The following GBE1 variants were observed in gnomAD, a reference collection of about 807,000 sequenced individuals.
The protein encoded by GBE1 is 1,4-alpha-glucan branching enzyme 1.
GBE1 carries 70 observed loss-of-function variants against 88.8 expected under a neutral mutation model. That is an observed-to-expected ratio of 0.79 (90% CI 0.65 to 0.96). The LOEUF is 0.96. Ranked by LOEUF, GBE1 falls within the 40% of genes least tolerant of loss-of-function variation. GBE1 has a pLI of 0.00. For synonymous variants in GBE1, 284 were observed against 300.1 expected (o/e 0.95, Z 0.56); for missense variants, 872 against 871.0 (o/e 1.00, Z -0.01).
At chr3:81,542,872 A>C (rs1271432639) in intron 12 of GBE1, among the ~76,000 whole-genome samples, 6 of 152,146 alleles carry the variant, frequency 3.9e-5, no homozygotes, top group Admixed American at 3.9e-4. Context: ...ATTTTTAAAA[A>C]GTAACTAATT....
In GBE1 at chr3:81,535,252, T is replaced by C. The variant is rs185631651; in HGVS notation, c.1877A>G (p.Asn626Ser). Reference sequence around the variant, plus strand: ...AGTGTAGCTCTTGCTTGGATGGAAGTTGAAAATGAAAAGAAGACCTGCTCT... The same window carrying C: ...AGTGTAGCTCTTGCTTGGATGGAAGCTGAAAATGAAAAGAAGACCTGCTCT... ...FERAGLLFIF[N>S]FHPSKSYTDY... is the part of the protein sequence containing the mutation. The change falls in exon 14 of 16, where the codon AAC becomes AGC. Residue 626 changes from asparagine to serine, a missense_variant. By Grantham distance (46) the Asn-to-Ser change is conservative. Coordinates refer to ENST00000429644, the MANE Select transcript of GBE1 (RefSeq NM_000158.4). The C allele has an allele frequency of 8.9e-5, 143 of 1,611,730 alleles. No individual in the cohort carries two copies. The African/African-American group carries it at 1.6e-3, about 18-fold the overall frequency.
At chr3:81,599,301 A>G (rs1704000336) in intron 7 of GBE1, among the ~76,000 whole-genome samples, 1 of 152,068 alleles carries the variant, frequency 6.6e-6, no homozygotes, top group African/African-American at 2.4e-5. Flanking sequence ...GTATGTACAT[A>G]AAGTGTGTGT....
chr3:81,573,881 T>C (rs561489329), intron 12 of GBE1, among the ~76,000 whole-genome samples: 3 of 152,036 alleles, frequency 2.0e-5, no homozygotes, highest in Non-Finnish European at 4.4e-5. Flanking sequence ...CATAATTATA[T>C]ACACACAAAG....
At chr3:81,506,039 T>C (rs2106820314) in intron 14 of GBE1, among the ~76,000 whole-genome samples, 1 of 151,938 alleles carries the variant, frequency 6.6e-6, no homozygotes, top group Non-Finnish European at 1.5e-5. Flanking sequence ...ACGAAGACAC[T>C]AAAAGCAAAA....
intron 2 of GBE1, among the ~76,000 whole-genome samples, chr3:81,671,466 G>A (rs1442458464): frequency 1.3e-5 from 2 of 152,040 alleles, no homozygotes; most frequent in African/African-American, 4.8e-5. Context: ...GTAAAGAAAA[G>A]GTGGAATGCA....
At chr3:81,724,186 G>A (rs1706077093) in intron 1 of GBE1, among the ~76,000 whole-genome samples, 2 of 152,170 alleles carry the variant, frequency 1.3e-5, no homozygotes, top group South Asian at 4.1e-4. Flanking sequence ...ATTGAGAAAA[G>A]CCCAAATGCA....
At chr3:81,558,646 C>T (rs989812513) in intron 12 of GBE1, among the ~76,000 whole-genome samples, 5 of 151,966 alleles carry the variant, frequency 3.3e-5, no homozygotes, top group African/African-American at 1.2e-4. Flanking sequence ...TGTGTGTACC[C>T]AAGGTACTGA....
At chr3:81,619,475 GATTA>G (rs1704296853) in intron 7 of GBE1, among the ~76,000 whole-genome samples, 1 of 152,014 alleles carries the variant, frequency 6.6e-6, no homozygotes, top group South Asian at 2.1e-4. Context: ...CTGACAATTA[GATTA>G]TTTATTTCAT....
At chr3:81,612,220 T>TAAAAAAAAAAAAA in intron 7 of GBE1, 1 of 240,398 alleles carries the variant, frequency 4.2e-6, no homozygotes, top group South Asian at 4.3e-5. Context: ...CACGCTCCTT[T>TAAAAAAAAAAAAA]AAAAAAAAAA....
intron 8 of GBE1, among the ~76,000 whole-genome samples, chr3:81,592,712 T>C (rs757814431): frequency 3.3e-5 from 5 of 152,068 alleles, no homozygotes; most frequent in Non-Finnish European, 7.4e-5. Flanking sequence ...ATTTCTCTAA[T>C]ACCACAAATT....
rs1559708369 is a variant in GBE1 at position 81,750,553 on chromosome 3, ATATATATATG to A, written c.143+10812_143+10821del. Among the ~76,000 whole-genome samples the A allele has an allele frequency of 5.7e-4, 42 of 74,228 alleles. 4 individuals are homozygous for A. The highest frequency in any genetic ancestry group is 6.4e-3 in the Middle Eastern group (1 of 156). The allele number at this position is 74,228 out of a possible 152,430, so 48.7% of individuals were successfully genotyped here. On this transcript the variant is annotated intron_variant, in intron 1 of 15. Transcript: ENST00000429644. ...TATATATATACGTATATATATATGTATATATATATGTATATATATATACGTATATATATAC... is the reference window on the plus strand; with the variant it reads ...TATATATATACGTATATATATATGTATATATATATATACGTATATATATAC...
At chr3:81,739,945 G>A (rs746103960) in intron 1 of GBE1, among the ~76,000 whole-genome samples, 1 of 151,950 alleles carries the variant, frequency 6.6e-6, no homozygotes, top group African/African-American at 2.4e-5. Flanking sequence ...TAAAAATCGG[G>A]CCAGGTGTGA....
chr3:81,665,377 C>CA (rs1211734254), intron 3 of GBE1, among the ~76,000 whole-genome samples: 147 of 149,246 alleles, frequency 9.8e-4, no homozygotes, highest in South Asian at 4.7e-3. Context: ...ACTAAAAATA[C>CA]AAAAAAAAAT....
intron 2 of GBE1, among the ~76,000 whole-genome samples, chr3:81,699,645 T>C (rs961633674): frequency 3.9e-5 from 6 of 152,146 alleles, no homozygotes; most frequent in African/African-American, 7.2e-5. Flanking sequence ...GGGAGAAAGA[T>C]GTAGGCTGGG....
At chr3:81,507,429 T>G (rs1386731049) in intron 14 of GBE1, among the ~76,000 whole-genome samples, 1 of 151,948 alleles carries the variant, frequency 6.6e-6, no homozygotes, top group Admixed American at 6.6e-5. Flanking sequence ...CCAGGTGTGG[T>G]GGCGGGCACC....
intron 12 of GBE1, among the ~76,000 whole-genome samples, chr3:81,571,016 G>A (rs1175098715): frequency 6.6e-6 from 1 of 152,008 alleles, no homozygotes; most frequent in Non-Finnish European, 1.5e-5. Context: ...TATACACTCA[G>A]GATCTAAAGT....
intron 3 of GBE1, among the ~76,000 whole-genome samples, chr3:81,662,432 A>G (rs1173827037): frequency 6.6e-6 from 1 of 152,094 alleles, no homozygotes; most frequent in Non-Finnish European, 1.5e-5. Flanking sequence ...GCTGGCTCAG[A>G]AATTTATCCA....
At chr3:81,615,358 A>G (rs1376887661) in intron 7 of GBE1, among the ~76,000 whole-genome samples, 1 of 152,324 alleles carries the variant, frequency 6.6e-6, no homozygotes, top group South Asian at 2.1e-4. Context: ...ATTGGCATCA[A>G]TACAGCCAAG....
intron 2 of GBE1, among the ~76,000 whole-genome samples, chr3:81,680,655 A>C (rs552355227): frequency 2.2e-4 from 34 of 152,298 alleles, no homozygotes; most frequent in African/African-American, 7.7e-4. Context: ...ATGGACTGAA[A>C]GTTTGTATGC....
Sources: gnomAD v4.1 joint callset for allele counts (sites outside exome capture counted in the v4.1 genomes callset) on GRCh38, gnomAD v4.1.1 for gene constraint, MANE v1.5 for transcripts, NCBI Gene and HGNC (gene_info 2026-07-23, HGNC 2026-07-21) for gene names.